The following HS6ST3 variants were observed in gnomAD, a reference collection of about 807,000 sequenced individuals.
The protein encoded by HS6ST3 is heparan-sulfate 6-O-sulfotransferase 3.
Under a neutral mutation model 36.7 loss-of-function variants are expected in HS6ST3, and 12 were observed. That is an observed-to-expected ratio of 0.33 (90% confidence interval 0.21 to 0.53). The LOEUF (loss-of-function observed/expected upper bound fraction) is 0.53. Ranked by LOEUF, HS6ST3 falls within the 20% of genes least tolerant of loss-of-function variation. The pLI is 0.95. For missense variants in HS6ST3, 584 were observed against 640.9 expected (o/e 0.91, Z 0.96); for synonymous variants, 240 against 257.5 (o/e 0.93, Z 0.65).
At chr13:96,257,484 G>A (rs2054642762) in intron 1 of HS6ST3, among the ~76,000 whole-genome samples, 1 of 152,124 alleles carries the variant, frequency 6.6e-6, no homozygotes, top group African/African-American at 2.4e-5. Flanking sequence ...AACTGTTTGG[G>A]TTTGAAACCT....
chr13:96,388,599 T>C (rs1177266771), intron 1 of HS6ST3, among the ~76,000 whole-genome samples: 4 of 152,222 alleles, frequency 2.6e-5, no homozygotes, highest in Non-Finnish European at 5.9e-5. Context: ...TTCTATACTT[T>C]TTTAAAGTTC....
rs745788886 is a variant in HS6ST3 at position 96,640,657 on chromosome 13, C to T, written c.708-191833C>T. The stretch of plus-strand genomic sequence containing the variant: ...AGGCCCATGGCCAGAATGGTGTTTC[C>T]TAGTTTTTCTTCTAGGATTCTTATA... On this transcript the variant is annotated intron_variant, in intron 1 of 1. Transcript: ENST00000376705. Among the ~76,000 whole-genome samples the T allele has an allele frequency of 7.7e-4, 117 of 151,966 alleles. 1 individual carries two copies. Among genetic ancestry groups the T allele is most frequent in the Middle Eastern group, 3.4e-3 (1 of 294 alleles).
chr13:96,248,500 A>G (rs2054593964), intron 1 of HS6ST3, among the ~76,000 whole-genome samples: 1 of 152,180 alleles, frequency 6.6e-6, no homozygotes, highest in African/African-American at 2.4e-5. Context: ...GGAAAATGTA[A>G]TTTCTATTTG....
chr13:96,121,690 T>G (rs2053925973), intron 1 of HS6ST3, among the ~76,000 whole-genome samples: 1 of 152,196 alleles, frequency 6.6e-6, no homozygotes, highest in Non-Finnish European at 1.5e-5. Context: ...TTATTTTTAT[T>G]GGCTATGGTG....
At chr13:96,740,248 T>C (rs1415184235) in intron 1 of HS6ST3, among the ~76,000 whole-genome samples, 1 of 152,166 alleles carries the variant, frequency 6.6e-6, no homozygotes, top group Admixed American at 6.5e-5. Flanking sequence ...CTGACACATA[T>C]AGAGTGCTCA....
intron 1 of HS6ST3, among the ~76,000 whole-genome samples, chr13:96,239,703 C>T (rs2054551302): frequency 6.6e-6 from 1 of 152,088 alleles, no homozygotes; most frequent in Non-Finnish European, 1.5e-5. Context: ...AAAGGCAAGG[C>T]AGACACAAAT....
chr13:96,622,126 G>A (rs1313153401), intron 1 of HS6ST3, among the ~76,000 whole-genome samples: 2 of 152,008 alleles, frequency 1.3e-5, no homozygotes, highest in African/African-American at 2.4e-5. Context: ...GTCTGCACCT[G>A]GATTTGAAAT....
At chr13:96,643,176 T>C (rs527848288) in intron 1 of HS6ST3, among the ~76,000 whole-genome samples, 1 of 152,098 alleles carries the variant, frequency 6.6e-6, no homozygotes, top group Non-Finnish European at 1.5e-5. Flanking sequence ...CAGCTAATGA[T>C]TGGAAAGAGA....
At chr13:96,494,412 G>A (rs1405576382) in intron 1 of HS6ST3, among the ~76,000 whole-genome samples, 1 of 123,062 alleles carries the variant, frequency 8.1e-6, no homozygotes, top group Non-Finnish European at 1.7e-5. Context: ...GGAGGGGGGA[G>A]GGATAGCATT....
intron 1 of HS6ST3, among the ~76,000 whole-genome samples, chr13:96,498,152 G>A (rs772403817): frequency 6.6e-6 from 1 of 152,156 alleles, no homozygotes; most frequent in African/African-American, 2.4e-5. Flanking sequence ...AACAGACAAT[G>A]GTTTGTGACA....
Position 96,833,081 on chromosome 13 carries a change from GC to G in HS6ST3, c.1300del (p.Arg434GlyfsTer36). ...QLEHQRDRQK[R>X]REERRLQREH... ...TAGAGCACCAGAGGGACCGCCAGAAGCGGCGGGAGGAGCGGAGGCTGCAGCG... is the reference window on the plus strand; with the variant it reads ...TAGAGCACCAGAGGGACCGCCAGAAGGGCGGGAGGAGCGGAGGCTGCAGCG... On this transcript the variant is annotated frameshift_variant, in exon 2 of 2. Coordinates refer to ENST00000376705, the MANE Select transcript of HS6ST3 (RefSeq NM_153456.4). LOFTEE classifies it high-confidence loss of function. 6.2e-7 allele frequency: 1 copy of G among 1,611,300 alleles called. No individual in the cohort carries two copies. The highest frequency in any genetic ancestry group is 8.5e-7 in the Non-Finnish European group (1 of 1,180,010).
chr13:96,331,481 G>C (rs1014326356), intron 1 of HS6ST3, among the ~76,000 whole-genome samples: 2 of 152,226 alleles, frequency 1.3e-5, no homozygotes, highest in African/African-American at 4.8e-5. Context: ...ATGCCTCCCA[G>C]TTAGGCTGCT....
chr13:96,585,314 AATCAT>A (rs1362023767), intron 1 of HS6ST3, among the ~76,000 whole-genome samples: 1 of 152,226 alleles, frequency 6.6e-6, no homozygotes, highest in Non-Finnish European at 1.5e-5. Flanking sequence ...GAAGTTCACA[AATCAT>A]AAGTATGCAA....
At chr13:96,317,394 ATC>A (rs1210406288) in intron 1 of HS6ST3, among the ~76,000 whole-genome samples, 2 of 127,658 alleles carry the variant, frequency 1.6e-5, no homozygotes, top group African/African-American at 6.0e-5. Context: ...ATATATATAT[ATC>A]ATGGAATATA....
At chr13:96,120,645 AT>A (rs916385407) in intron 1 of HS6ST3, among the ~76,000 whole-genome samples, 4 of 151,884 alleles carry the variant, frequency 2.6e-5, no homozygotes, top group African/African-American at 7.3e-5. Flanking sequence ...AAATCTATGA[AT>A]TTTTTTTGAA....
intron 1 of HS6ST3, among the ~76,000 whole-genome samples, chr13:96,476,733 A>G (rs112500567): frequency 5.3e-5 from 8 of 152,078 alleles, no homozygotes; most frequent in African/African-American, 1.7e-4. Context: ...GATGAGATCT[A>G]TTTGGGGTGT....
chr13:96,647,896 G>T (rs1276252589), intron 1 of HS6ST3, among the ~76,000 whole-genome samples: 5 of 151,882 alleles, frequency 3.3e-5, no homozygotes, highest in Non-Finnish European at 7.4e-5. Flanking sequence ...TCTTCATTTG[G>T]AAATCTTCTG....
chr13:96,784,932 C>T (rs1239650661), intron 1 of HS6ST3, among the ~76,000 whole-genome samples: 1 of 152,156 alleles, frequency 6.6e-6, no homozygotes, highest in Non-Finnish European at 1.5e-5. Flanking sequence ...CTTTGGAAGG[C>T]CAAGGCAGGC....
chr13:96,705,233 T>A (rs1875388175), intron 1 of HS6ST3, among the ~76,000 whole-genome samples: 1 of 152,188 alleles, frequency 6.6e-6, no homozygotes, highest in Non-Finnish European at 1.5e-5. Context: ...TATTGTATCA[T>A]CCATCATAGT....
Sources: gnomAD v4.1 joint callset for allele counts (sites outside exome capture counted in the v4.1 genomes callset) on GRCh38, gnomAD v4.1.1 for gene constraint, MANE v1.5 for transcripts, NCBI Gene and HGNC (gene_info 2026-07-23, HGNC 2026-07-21) for gene names.